ERMP1: variants seen among roughly 807,000 people sequenced by gnomAD.
The protein encoded by ERMP1 is Felix-ina.
A neutral mutation model predicts 92.0 loss-of-function variants in ERMP1; 86 were observed. The observed-to-expected ratio is 0.93, with a 90% confidence interval of 0.79 to 1.12. The LOEUF is 1.12. Among genes scored for constraint, ERMP1 ranks in the 50% most tolerant of loss-of-function variants. The pLI is 0.00. For missense variants in ERMP1, 1,342 were observed against 1,116.3 expected, an observed-to-expected ratio of 1.20 and a Z score of -2.88; for synonymous variants, 530 against 412.8, an observed-to-expected ratio of 1.28 and a Z score of -3.44.
chr9:5,824,997 T>TA (rs751144784), intron 3 of ERMP1, 95 bp downstream of exon 3: 3 of 1,292,856 alleles, frequency 2.3e-6, no homozygotes, highest in Non-Finnish European at 2.2e-6. Flanking sequence ...ACAGGAGTCA[T>TA]AAAAAATGCA....
chr9:5,843,338 T>C (rs778357084), intron 6 of ERMP1, among the ~76,000 whole-genome samples: 2 of 152,234 alleles, frequency 1.3e-5, no homozygotes, highest in African/African-American at 2.4e-5. Context: ...GCTCTGTTAA[T>C]GTTGGAAACA....
At chr9:5,864,386 G>C (rs1478670025) in intron 5 of ERMP1, among the ~76,000 whole-genome samples, 1 of 152,134 alleles carries the variant, frequency 6.6e-6, no homozygotes, top group East Asian at 1.9e-4. Context: ...TCCCAGATGA[G>C]ATTCCAGTAC....
In ERMP1 at chr9:5,846,757, T is replaced by C. The variant is rs1198960362; in HGVS notation, n.3199+12711A>G. Among the ~76,000 whole-genome samples the C allele has an allele frequency of 3.3e-5, 5 of 152,214 alleles. No individual in the cohort carries two copies. In the East Asian group the frequency reaches 9.6e-4, roughly 29 times the overall value. The stretch of plus-strand genomic sequence containing the variant: ...GTGGTTCAACATTAATCACCTGTTT[T>C]ATGGGGTGGTTATTCCTTTCTGAAA... On this transcript the variant is annotated intron_variant and non_coding_transcript_variant, in intron 6 of 6. Coordinates refer to the ERMP1 transcript ENST00000690753.
rs1291288483 is a variant in ERMP1, at chr9:5,832,869, G to A, written c.159C>T (p.Ser53=). The change falls in exon 1 of 15, where the codon AGC becomes AGT. Residue 53 remains serine, a synonymous_variant. Transcript: ENST00000339450. ...TGCTCGCGCCGCCGCTACCCCCGGG[G>A]CTCCTCTTCCGCGTCCTCCCGCCGC... ...CSGGGRTRKR[S]PGGSGGASRG... The A allele has an allele frequency of 1.3e-6, 2 of 1,524,572 alleles. No individual in the cohort carries two copies. Among genetic ancestry groups the A allele is most frequent in the Non-Finnish European group, 8.7e-7 (1 of 1,145,450 alleles). 94.4% of individuals were successfully genotyped at this position (1,524,572 alleles called of 1,614,324 possible).
chr9:5,832,439 G>C (rs74606334), intron 1 of ERMP1: 33,420 of 446,564 alleles, frequency 0.075, 1,498 homozygotes, highest in South Asian at 0.11. Context: ...ACAGTGGAAA[G>C]CAGGTTCAAT....
intron 13 of ERMP1, among the ~76,000 whole-genome samples, 159 bp from the exon 14 acceptor site, chr9:5,787,752 G>C (rs1034992234): frequency 3.3e-5 from 5 of 152,188 alleles, no homozygotes; most frequent in African/African-American, 9.7e-5. Flanking sequence ...CACTTAGTGT[G>C]AATCAACAAG....
At chr9:5,833,517 A>AT (rs1830037684), upstream of ERMP1, among the ~76,000 whole-genome samples, 1 of 152,224 alleles carries the variant, frequency 6.6e-6, no homozygotes, top group Admixed American at 6.5e-5. Context: ...TTGCTTTCAC[A>AT]TGCATAATCT....
At chr9:5,845,471 ATAACT>A (rs1325938896) in intron 6 of ERMP1, among the ~76,000 whole-genome samples, 2 of 152,106 alleles carry the variant, frequency 1.3e-5, no homozygotes, top group African/African-American at 4.8e-5. Context: ...GAGAGAGAGA[ATAACT>A]TATTCAAGTT....
chr9:5,792,618 A>C (rs1248832478), intron 13 of ERMP1, among the ~76,000 whole-genome samples: 1 of 152,216 alleles, frequency 6.6e-6, no homozygotes, highest in Non-Finnish European at 1.5e-5. Context: ...CATGCAACTT[A>C]TTAAAAGGTT....
At chr9:5,852,399 A>G (rs1053693031) in intron 6 of ERMP1, among the ~76,000 whole-genome samples, 1 of 151,874 alleles carries the variant, frequency 6.6e-6, no homozygotes, top group Non-Finnish European at 1.5e-5. Context: ...CATAGCTGGG[A>G]CTACAGGCAT....
In ERMP1 at chr9:5,811,098, G is replaced by A; in HGVS notation, c.1327+13C>T. 1 of 1,584,110 alleles carries A rather than the reference G, an allele frequency of 6.3e-7. No homozygotes were observed. The highest frequency in any genetic ancestry group is 2.2e-5 in the East Asian group (1 of 44,724). ...CAATGCCAGTATTTGTAGTTTTAGA[G>A]GAAAATACTTACTCTTATGTTTGGG... On this transcript the variant is annotated intron_variant, in intron 7 of 14. Transcript: ENST00000339450.
Position 5,786,338 on chromosome 9 carries a change from C to T in ERMP1, c.*806G>A, listed in dbSNP as rs537461002. 3 of 152,230 alleles carry T rather than the reference C, an allele frequency of 2.0e-5. No homozygotes were observed. The highest frequency in any genetic ancestry group is 4.4e-5 in the Non-Finnish European group (3 of 68,036). 9.4% of individuals were successfully genotyped at this position (152,230 alleles called of 1,614,324 possible). A position where few individuals can be genotyped will look rare whatever the true frequency, so the allele number is the denominator to read the frequency against. ...TGAGGAAGGAAGTTAAGGTCATGTACTGGCACAAACAATATTCTGAACCAA... is the reference window on the plus strand; with the variant it reads ...TGAGGAAGGAAGTTAAGGTCATGTATTGGCACAAACAATATTCTGAACCAA... On this transcript the variant is annotated 3_prime_UTR_variant, in exon 15 of 15. Coordinates refer to ENST00000339450, the MANE Select transcript of ERMP1 (RefSeq NM_024896.3).
chr9:5,796,515 G>A (rs773895290), intron 13 of ERMP1, among the ~76,000 whole-genome samples: 1 of 151,932 alleles, frequency 6.6e-6, no homozygotes, highest in Non-Finnish European at 1.5e-5. Context: ...GATAACTGCT[G>A]TACATCTACA....
intron 6 of ERMP1, among the ~76,000 whole-genome samples, chr9:5,857,057 G>T (rs1830383316): frequency 6.6e-6 from 1 of 151,852 alleles, no homozygotes; most frequent in Non-Finnish European, 1.5e-5. Context: ...GTCTTACTCT[G>T]TCACCCAAGC....
At position 5,823,962 on chromosome 9, in the gene ERMP1, A is replaced by G; in HGVS notation, c.808T>C (p.Leu270=). 4 of 1,614,196 alleles carry G rather than the reference A, an allele frequency of 2.5e-6. No homozygotes were observed. The highest frequency in any genetic ancestry group is 3.4e-6 in the Non-Finnish European group (4 of 1,180,018). Residue 270 remains leucine, a synonymous_variant, in exon 4 of 15, where the codon TTG becomes CTG. Coordinates refer to ENST00000339450, the MANE Select transcript of ERMP1 (RefSeq NM_024896.3). Reference sequence around the variant, plus strand: ...TCTAGGTTAATGAATGCACGAATCAAGCTAGCCCAGGGGTGCTGAGTAATG... The same window carrying G: ...TCTAGGTTAATGAATGCACGAATCAGGCTAGCCCAGGGGTGCTGAGTAATG... ...GFITQHPWAS[L]IRAFINLEAA...
chr9:5,797,886 G>A lies in ERMP1; in HGVS notation c.2317C>T (p.Pro773Ser), dbSNP rs1828501176. ...PAPEVSPRNP[P>S]HFRLISKEQT... The stretch of plus-strand genomic sequence containing the variant: ...TCTTTGGATATGAGTCGGAAATGAG[G>A]AGGATTTCTTGGAGAAACTTCTGGG... Residue 773 changes from proline to serine, a missense_variant, in exon 13 of 15, where the codon CCT becomes TCT. Physicochemically the swap from Pro to Ser is moderately conservative, Grantham distance 74. Transcript: ENST00000339450. 2 of 1,613,692 alleles carry A rather than the reference G, an allele frequency of 1.2e-6. No individual in the cohort carries two copies. Among genetic ancestry groups the A allele is most frequent in the Non-Finnish European group, 1.7e-6 (2 of 1,179,876 alleles).
At chr9:5,859,830 T>C (rs527741074) in intron 5 of ERMP1, among the ~76,000 whole-genome samples, 12 of 152,352 alleles carry the variant, frequency 7.9e-5, no homozygotes, top group African/African-American at 2.9e-4. Context: ...TGTGCCAGGC[T>C]ACATAGCTAC....
chr9:5,808,680 C>A (rs1828962858), intron 8 of ERMP1, among the ~76,000 whole-genome samples: 1 of 152,180 alleles, frequency 6.6e-6, no homozygotes, highest in Non-Finnish European at 1.5e-5. Flanking sequence ...CAATCTGAAA[C>A]CATGACTCTT....
chr9:5,829,430 C>T (rs938176839), intron 2 of ERMP1, among the ~76,000 whole-genome samples: 12 of 152,072 alleles, frequency 7.9e-5, no homozygotes, highest in African/African-American at 2.7e-4. Flanking sequence ...TAACTCTAGA[C>T]GTTCAAATTT....
Sources: gnomAD v4.1 joint callset for allele counts (sites outside exome capture counted in the v4.1 genomes callset) on GRCh38, gnomAD v4.1.1 for gene constraint, MANE v1.5 for transcripts, NCBI Gene and HGNC (gene_info 2026-07-23, HGNC 2026-07-21) for gene names.